The following ZNF37A variants were observed in gnomAD, a reference collection of about 807,000 sequenced individuals.
ZNF37A encodes the protein zinc finger protein 37a (KOX 21).
Under a neutral mutation model 12.3 loss-of-function variants are expected in ZNF37A, and 10 were observed. The observed-to-expected ratio is 0.82, with a 90% CI of 0.50 to 1.38. ZNF37A has a LOEUF of 1.38. Among genes scored for constraint, ZNF37A ranks in the 40% most tolerant of loss-of-function variants. ZNF37A has a pLI of 0.00. For missense variants in ZNF37A, 580 were observed against 651.2 expected, an observed-to-expected ratio of 0.89 and a Z score of 1.19; for synonymous variants, 207 against 223.0, an observed-to-expected ratio of 0.93 and a Z score of 0.64.
chr10:38,099,870 T>A (rs2135876001), intron 5 of ZNF37A, among the ~76,000 whole-genome samples: 1 of 152,308 alleles, frequency 6.6e-6, no homozygotes, highest in South Asian at 2.1e-4. Context: ...TCCCTAATGA[T>A]TAGTGATGTT....
chr10:38,094,457 G>T lies in ZNF37A; in HGVS notation c.-525G>T, dbSNP rs2504145. The T allele has an allele frequency of 0.2, 30,662 of 152,020 alleles. 3,422 individuals are homozygous for T. Among genetic ancestry groups the T allele is most frequent in the East Asian group, 0.39 (1,988 of 5,080 alleles). The allele number at this position is 152,020 out of a possible 1,614,324, so 9.4% of individuals were successfully genotyped here. A position where few individuals can be genotyped will look rare whatever the true frequency, so the allele number is the denominator to read the frequency against. On this transcript the variant is annotated 5_prime_UTR_variant, in exon 1 of 8. Transcript: ENST00000685332. ...GGCACTCTGACGGGGAGGGCTCCCG[G>T]CATCTCCTGGCGTCCGGGTAGAGGA...
At position 38,118,591 on chromosome 10, in the gene ZNF37A, A is replaced by G. The variant is rs176889; in HGVS notation, c.1440A>G (p.Ser480=). 0.48 allele frequency: 771,085 copies of G among 1,613,360 alleles called. 186,653 individuals are homozygous for G. Among genetic ancestry groups the G allele is most frequent in the Admixed American group, 0.55 (32,799 of 59,892 alleles). The part of the protein sequence containing the change: ...NECGKTFRQK[S]ALIVHQRTHI... Reference sequence around the variant, plus strand: ...GTGGGAAAACCTTCCGTCAGAAGTCAGCCCTAATTGTTCACCAGAGAACTC... The same window carrying G: ...GTGGGAAAACCTTCCGTCAGAAGTCGGCCCTAATTGTTCACCAGAGAACTC... Residue 480 remains serine, a synonymous_variant, in exon 8 of 8, where the codon TCA becomes TCG. Coordinates refer to ENST00000685332, the MANE Select transcript of ZNF37A (RefSeq NM_001324250.3).
intron 5 of ZNF37A, among the ~76,000 whole-genome samples, chr10:38,101,371 GT>G (rs1296395511): frequency 8.9e-5 from 13 of 145,348 alleles, no homozygotes; most frequent in Admixed American, 8.9e-4. Flanking sequence ...TTTTAGTTTT[GT>G]TTTTCATGTG....
chr10:38,114,025 T>G (rs1199423110), intron 5 of ZNF37A, among the ~76,000 whole-genome samples: 2 of 152,244 alleles, frequency 1.3e-5, no homozygotes, highest in Non-Finnish European at 2.9e-5. Flanking sequence ...ATATGTGGAT[T>G]GGTTGTATTT....
At chr10:38,101,958 G>T (rs1219518427) in intron 5 of ZNF37A, among the ~76,000 whole-genome samples, 9 of 151,588 alleles carry the variant, frequency 5.9e-5, no homozygotes, top group African/African-American at 2.2e-4. Flanking sequence ...GAGGAGCTGG[G>T]ATTACTGGTG....
chr10:38,141,368 T>C (rs2474598), intron 7 of ZNF37A: 62,509 of 151,980 alleles, frequency 0.41, 13,050 homozygotes, highest in East Asian at 0.5. Flanking sequence ...TAGGATGTGA[T>C]GAAAAGGCCA....
intron 5 of ZNF37A, among the ~76,000 whole-genome samples, chr10:38,108,973 A>G (rs2068388878): frequency 6.6e-6 from 1 of 152,154 alleles, no homozygotes; most frequent in African/African-American, 2.4e-5. Context: ...ATCCTCTCTA[A>G]CCCATTTTAT....
chr10:38,138,515 T>C (rs1357277566), intron 7 of ZNF37A: 1 of 152,210 alleles, frequency 6.6e-6, no homozygotes, highest in Non-Finnish European at 1.5e-5. Context: ...GGGAAACTTA[T>C]GAAACAAGCT....
downstream of ZNF37A, among the ~76,000 whole-genome samples, chr10:38,127,758 A>G (rs2069949632): frequency 6.6e-6 from 1 of 152,208 alleles, no homozygotes; most frequent in African/African-American, 2.4e-5. Context: ...CGAATTCGTG[A>G]CTTCAACAGA....
chr10:38,094,617 G>C (rs1260929313), intron 1 of ZNF37A, 127 bp downstream of exon 1: 1 of 152,390 alleles, frequency 6.6e-6, no homozygotes, highest in African/African-American at 2.4e-5. Flanking sequence ...GCTCCCAAAG[G>C]GAATGCGCAA....
chr10:38,117,970 T>G lies in ZNF37A; in HGVS notation c.819T>G (p.Cys273Trp). The part of the protein sequence containing the change: ...RTHTGEKPYE[C>W]HECGKTFTQK... ...ATACAGGAGAAAAACCTTATGAATG[T>G]CATGAATGTGGAAAAACCTTCACCC... Residue 273 changes from cysteine to tryptophan, a missense_variant, in exon 8 of 8, where the codon TGT becomes TGG. Physicochemically the swap from Cys to Trp is radical, Grantham distance 215. Transcript: ENST00000685332. 6.2e-7 allele frequency: 1 copy of G among 1,613,936 alleles called. No homozygotes were observed. Among genetic ancestry groups the G allele is most frequent in the Non-Finnish European group, 8.5e-7 (1 of 1,179,996 alleles).
intron 5 of ZNF37A, among the ~76,000 whole-genome samples, chr10:38,110,661 A>G (rs1006023005): frequency 2.0e-5 from 3 of 152,210 alleles, no homozygotes; most frequent in Non-Finnish European, 4.4e-5. Flanking sequence ...CCCATCAAAA[A>G]GTGGGTGAAG....
intron 7 of ZNF37A, chr10:38,141,457 C>T (rs546594932): frequency 1.3e-5 from 2 of 152,250 alleles, no homozygotes; most frequent in South Asian, 2.1e-4. Flanking sequence ...GAACTCCACA[C>T]ATATCCAACT....
At chr10:38,094,614 A>G (rs1158129379) in intron 1 of ZNF37A, 124 bp downstream of exon 1, 2 of 152,480 alleles carry the variant, frequency 1.3e-5, no homozygotes, top group African/African-American at 2.4e-5. Flanking sequence ...TGTGCTCCCA[A>G]AGGGAATGCG....
intron 6 of ZNF37A, 53 bp from the exon 7 acceptor site, chr10:38,115,142 C>A: frequency 6.3e-7 from 1 of 1,575,836 alleles, no homozygotes; most frequent in African/African-American, 1.4e-5. Context: ...CTGTCTTCCT[C>A]CTTCAGGAAA....
intron 5 of ZNF37A, among the ~76,000 whole-genome samples, chr10:38,110,742 C>T (rs1365420957): frequency 1.3e-5 from 2 of 152,204 alleles, no homozygotes. Context: ...AGCTCATCAT[C>T]ACTGGTCATT....
At chr10:38,112,786 T>TCGGTCCCGG (rs1564932477) in intron 5 of ZNF37A, among the ~76,000 whole-genome samples, 1 of 58,214 alleles carries the variant, frequency 1.7e-5, no homozygotes, top group Non-Finnish European at 3.7e-5. Flanking sequence ...TTTTCTTTTC[T>TCGGTCCCGG]TTTCTTTTCT....
chr10:38,115,273 C>T lies in ZNF37A; in HGVS notation c.221C>T (p.Pro74Leu), dbSNP rs141427415. Residue 74 changes from proline (P) to leucine (L), a missense_variant, in exon 7 of 8, where the codon CCA becomes CTA. Pro to Leu is a moderately conservative substitution (Grantham distance 98, BLOSUM62 -3). Transcript: ENST00000685332. ...EEPWILEEKF[P>L]SQSHLELINT... is the part of the protein sequence containing the mutation. ...CCATGGATATTAGAGGAAAAATTTC[C>T]AAGCCAGAGTCATCTGGGTGAGTTA... 2 of 1,613,520 alleles carry T rather than the reference C, an allele frequency of 1.2e-6. No homozygotes were observed. The highest frequency in any genetic ancestry group is 1.7e-6 in the Non-Finnish European group (2 of 1,179,822).
At chr10:38,100,919 G>A (rs2263162) in intron 5 of ZNF37A, among the ~76,000 whole-genome samples, 73,274 of 151,906 alleles carry the variant, frequency 0.48, 17,843 homozygotes, top group East Asian at 0.54. Flanking sequence ...ATAAATGTCC[G>A]TGAAATCTTC....
Sources: gnomAD v4.1 joint callset for allele counts (sites outside exome capture counted in the v4.1 genomes callset) on GRCh38, gnomAD v4.1.1 for gene constraint, MANE v1.5 for transcripts, NCBI Gene and HGNC (gene_info 2026-07-23, HGNC 2026-07-21) for gene names.